ATP11B: variants seen among roughly 807,000 people sequenced by gnomAD.
ATP11B encodes ATPase phospholipid transporting 11B (putative), also known as phospholipid-transporting ATPase IF.
A neutral mutation model predicts 157.8 loss-of-function variants in ATP11B; 81 were observed. The ratio of observed to expected loss-of-function variants is 0.51; its 90% CI spans 0.43 to 0.62. The LOEUF is 0.62. Ranked by LOEUF, ATP11B falls within the 20% of genes least tolerant of loss-of-function variation. The pLI, the probability that ATP11B is intolerant of heterozygous loss-of-function variation, is 0.00. For missense variants in ATP11B, 1,165 were observed against 1,402.2 expected (o/e 0.83, Z 2.70); for synonymous variants, 451 against 469.4 (o/e 0.96, Z 0.51).
At chr3:182,841,663 G>C (rs1397619649) in intron 7 of ATP11B, among the ~76,000 whole-genome samples, 1 of 152,000 alleles carries the variant, frequency 6.6e-6, no homozygotes, top group African/African-American at 2.4e-5. Context: ...ATATACAAAT[G>C]GTTGATTTTT....
intron 7 of ATP11B, among the ~76,000 whole-genome samples, chr3:182,839,372 C>T (rs111359399): frequency 0.12 from 18,284 of 151,982 alleles, 1,233 homozygotes; most frequent in African/African-American, 0.18. Context: ...TACAACAAAC[C>T]TTTGTGACAC....
At chr3:182,845,172 T>A (rs1366157540) in intron 8 of ATP11B, among the ~76,000 whole-genome samples, 2 of 151,972 alleles carry the variant, frequency 1.3e-5, no homozygotes, top group African/African-American at 4.8e-5. Flanking sequence ...GCCTGGCTAA[T>A]TTCTTTTGTA....
chr3:182,903,579 A>G (rs1724120247), intron 28 of ATP11B, among the ~76,000 whole-genome samples: 1 of 152,308 alleles, frequency 6.6e-6, no homozygotes, highest in East Asian at 1.9e-4. Flanking sequence ...TTCTATTTCA[A>G]ATTACAATGG....
chr3:182,805,562 C>T (rs1716275929), intron 1 of ATP11B, among the ~76,000 whole-genome samples: 1 of 151,520 alleles, frequency 6.6e-6, no homozygotes, highest in African/African-American at 2.4e-5. Context: ...TGAAGTGATT[C>T]TCCTGCCTCA....
In ATP11B at chr3:182,844,638, C is replaced by G. The variant is rs964266620; in HGVS notation, c.705-820C>G. ...TGTGCGATCTTGCCTAGAAAAAGCA[C>G]TAACATACCTTGTACTTTGTATTTT... On this transcript the variant is annotated intron_variant, in intron 8 of 29. Transcript: ENST00000323116. 4 of 634,802 alleles carry G rather than the reference C, an allele frequency of 6.3e-6. No homozygotes were observed. In the African/African-American group the frequency reaches 8.0e-5, roughly 13 times the overall value. The allele number at this position is 634,802 out of a possible 1,614,324, so 39.3% of individuals were successfully genotyped here.
At chr3:182,867,006 A>C (rs573732538) in intron 14 of ATP11B, among the ~76,000 whole-genome samples, 2 of 151,226 alleles carry the variant, frequency 1.3e-5, no homozygotes, top group Non-Finnish European at 2.9e-5. Context: ...TCTCAGCTCA[A>C]TGCAGCCTCT....
intron 1 of ATP11B, among the ~76,000 whole-genome samples, chr3:182,794,110 G>A (rs1038923615): frequency 6.6e-6 from 1 of 152,236 alleles, no homozygotes; most frequent in African/African-American, 2.4e-5. Context: ...GCGGGGTGGC[G>A]GTGCCCCCAG....
chr3:182,889,106 C>T (rs1478410653), intron 24 of ATP11B, among the ~76,000 whole-genome samples: 1 of 152,090 alleles, frequency 6.6e-6, no homozygotes, highest in Non-Finnish European at 1.5e-5. Flanking sequence ...TGTGATCCGC[C>T]CACCTTGGCC....
intron 2 of ATP11B, among the ~76,000 whole-genome samples, chr3:182,823,412 A>T (rs1003396878): frequency 3.9e-5 from 6 of 152,122 alleles, no homozygotes; most frequent in African/African-American, 1.4e-4. Flanking sequence ...TTTGTCAAAG[A>T]TCAGATGGTT....
intron 10 of ATP11B, among the ~76,000 whole-genome samples, chr3:182,855,147 G>A (rs1282487332): frequency 3.3e-5 from 5 of 152,180 alleles, no homozygotes; most frequent in Non-Finnish European, 7.4e-5. Context: ...TTGATGTTAA[G>A]TGTTACTATA....
At chr3:182,911,665 C>T (rs1353793822) in intron 28 of ATP11B, among the ~76,000 whole-genome samples, 1 of 152,002 alleles carries the variant, frequency 6.6e-6, no homozygotes, top group Non-Finnish European at 1.5e-5. Context: ...GTTGGTATGT[C>T]TTCCTGACTT....
At chr3:182,793,933 A>AGACGGGCGCGGGGCCCG in intron 1 of ATP11B, 147 bp downstream of exon 1, 2 of 422,316 alleles carry the variant, frequency 4.7e-6, no homozygotes, top group Non-Finnish European at 7.5e-6. Flanking sequence ...CGCGGGGCCC[A>AGACGGGCGCGGGGCCCG]GAGCCGGAGA....
intron 12 of ATP11B, among the ~76,000 whole-genome samples, chr3:182,864,761 G>A (rs1721101358): frequency 6.6e-6 from 1 of 151,950 alleles, no homozygotes; most frequent in South Asian, 2.1e-4. Flanking sequence ...GCAGTAATCA[G>A]ATTTTCATGA....
intron 2 of ATP11B, among the ~76,000 whole-genome samples, chr3:182,822,930 C>G (rs1316335473): frequency 5.9e-5 from 9 of 152,180 alleles, no homozygotes; most frequent in African/African-American, 1.9e-4. Flanking sequence ...GGAGAAGTGT[C>G]TGTTGATATC....
Position 182,920,502 on chromosome 3 carries a change from T to C in ATP11B, c.*2398T>C, listed in dbSNP as rs779971491. On this transcript the variant is annotated 3_prime_UTR_variant, in exon 30 of 30. Coordinates refer to ENST00000323116, the MANE Select transcript of ATP11B (RefSeq NM_014616.3). ...AAAGTGTCCCCTTTGCATATTTCTT[T>C]AAAATTCTTTCTTTGGAAAGTATGA... is the stretch of plus-strand genomic sequence containing the variant. 1 of 152,250 alleles carries C rather than the reference T, an allele frequency of 6.6e-6. No individual in the cohort carries two copies. Among genetic ancestry groups the C allele is most frequent in the Non-Finnish European group, 1.5e-5 (1 of 68,042 alleles). The allele number at this position is 152,250 out of a possible 1,614,324, so 9.4% of individuals were successfully genotyped here. A position where few individuals can be genotyped will look rare whatever the true frequency, so the allele number is the denominator to read the frequency against.
At chr3:182,844,881 T>A (rs1719347024) in intron 8 of ATP11B, among the ~76,000 whole-genome samples, 1 of 152,184 alleles carries the variant, frequency 6.6e-6, no homozygotes, top group Admixed American at 6.5e-5. Flanking sequence ...AACTAGTGGC[T>A]TTGTGACTGT....
At chr3:182,913,618 T>C (rs1724948138) in intron 28 of ATP11B, among the ~76,000 whole-genome samples, 1 of 152,220 alleles carries the variant, frequency 6.6e-6, no homozygotes, top group Non-Finnish European at 1.5e-5. Context: ...TTACATAATA[T>C]CCAGCTTCTT....
At chr3:182,913,803 T>C in intron 28 of ATP11B, 58 bp from the exon 29 acceptor site, 2 of 1,613,104 alleles carry the variant, frequency 1.2e-6, no homozygotes, top group Non-Finnish European at 1.7e-6. Context: ...AATGTTCTAA[T>C]GCTTTTCAGA....
intron 2 of ATP11B, among the ~76,000 whole-genome samples, chr3:182,824,474 T>C (rs929088101): frequency 6.6e-6 from 1 of 152,208 alleles, no homozygotes; most frequent in African/African-American, 2.4e-5. Flanking sequence ...TCTTCCCGTT[T>C]CCATCTATAT....
Sources: gnomAD v4.1 joint callset for allele counts (sites outside exome capture counted in the v4.1 genomes callset) on GRCh38, gnomAD v4.1.1 for gene constraint, MANE v1.5 for transcripts, NCBI Gene and HGNC (gene_info 2026-07-23, HGNC 2026-07-21) for gene names.